Variants in LIMA1 observed in about 807,000 individuals in gnomAD.
LIMA1 encodes the protein LIM domain and actin-binding protein 1.
Under a neutral mutation model 62.6 loss-of-function variants are expected in LIMA1, and 52 were observed. That is an observed-to-expected ratio of 0.83 (90% CI 0.67 to 1.05). The LOEUF (loss-of-function observed/expected upper bound fraction) is 1.05. Ranked by LOEUF, LIMA1 falls within the 50% of genes least tolerant of loss-of-function variation. The pLI is 0.00. For missense variants in LIMA1, 780 were observed against 902.2 expected (o/e 0.86, Z 1.74); for synonymous variants, 302 against 317.8 (o/e 0.95, Z 0.53).
chr12:50,209,778 G>A (rs1156540273), intron 4 of LIMA1, among the ~76,000 whole-genome samples: 3 of 151,890 alleles, frequency 2.0e-5, no homozygotes, highest in African/African-American at 4.8e-5. Flanking sequence ...CAATTCTCCT[G>A]TCTCAGCCTC....
chr12:50,177,234 A>G lies in LIMA1; in HGVS notation c.2110T>C (p.Ser704Pro), dbSNP rs537770025. 8.7e-6 allele frequency: 14 copies of G among 1,614,108 alleles called. No individual in the cohort carries two copies. The African/African-American group carries it at 1.7e-4, about 20-fold the overall frequency. ...LKQQSPQEPK[S>P]LNWSSFVDNT... is the part of the protein sequence containing the mutation. ...TCTACAAAACTCGACCAATTCAGAGACTTGGGTTCTTGTGGAGATTGTTGT... is the reference window on the plus strand; with the variant it reads ...TCTACAAAACTCGACCAATTCAGAGGCTTGGGTTCTTGTGGAGATTGTTGT... Residue 704 changes from serine to proline, a missense_variant, in exon 11 of 11, where the codon TCT (serine) becomes CCT (proline). Transcript: ENST00000341247.
intron 2 of LIMA1, among the ~76,000 whole-genome samples, chr12:50,236,922 C>G (rs539450121): frequency 6.6e-6 from 1 of 152,076 alleles, no homozygotes; most frequent in East Asian, 1.9e-4. Flanking sequence ...CTGTTTAAAA[C>G]AAATAAACAA....
At chr12:50,193,569 TGA>T (rs1491431742) in intron 8 of LIMA1, among the ~76,000 whole-genome samples, 2 of 109,074 alleles carry the variant, frequency 1.8e-5, no homozygotes, top group African/African-American at 3.8e-5. Context: ...TATGTATATA[TGA>T]TATATATATA....
chr12:50,281,349 A>G (rs1460330080), intron 1 of LIMA1, among the ~76,000 whole-genome samples: 1 of 152,158 alleles, frequency 6.6e-6, no homozygotes, highest in East Asian at 1.9e-4. Flanking sequence ...AAAAAGAAAG[A>G]GAAAAACATT....
chr12:50,236,615 A>G (rs1941698249), intron 2 of LIMA1, among the ~76,000 whole-genome samples: 1 of 143,208 alleles, frequency 7.0e-6, no homozygotes, highest in South Asian at 2.5e-4. Flanking sequence ...GATTTTCTTA[A>G]AAAGCTAATA....
At chr12:50,262,311 A>G (rs1015612504) in intron 1 of LIMA1, among the ~76,000 whole-genome samples, 8 of 152,212 alleles carry the variant, frequency 5.3e-5, no homozygotes, top group Non-Finnish European at 2.9e-5. Context: ...GAGTGTACAT[A>G]GAATCACTTA....
chr12:50,239,893 C>T (rs1467873152), intron 2 of LIMA1, among the ~76,000 whole-genome samples: 1 of 151,822 alleles, frequency 6.6e-6, no homozygotes, highest in Non-Finnish European at 1.5e-5. Context: ...ACTCAGGAAG[C>T]TGAGGTGGGA....
In LIMA1 at chr12:50,261,042, A is replaced by ATATATTTTTT. The variant is rs1383547189; in HGVS notation, c.-23-12269_-23-12268insAAAAAATATA. 1.6e-3 allele frequency among the ~76,000 whole-genome samples: 86 copies of ATATATTTTTT among 54,294 alleles called. 2 individuals are homozygous for ATATATTTTTT. The highest frequency in any genetic ancestry group is 2.1e-3 in the Non-Finnish European group (67 of 31,312). The allele number at this position is 54,294 out of a possible 152,430, so 35.6% of individuals were successfully genotyped here. On this transcript the variant is annotated intron_variant, in intron 1 of 10. Coordinates refer to ENST00000341247, the MANE Select transcript of LIMA1 (RefSeq NM_016357.5). ...CTTTTGCTTTTCTGCCATCTAGTAT[A>ATATATTTTTT]TTTTTTTTTTTTTTTTTTTTTTTTT...
At chr12:50,243,318 C>T (rs577329967) in intron 2 of LIMA1, among the ~76,000 whole-genome samples, 2 of 152,266 alleles carry the variant, frequency 1.3e-5, no homozygotes, top group South Asian at 2.1e-4. Flanking sequence ...CAGAGACCTC[C>T]TAAGTTTTCC....
Position 50,203,832 on chromosome 12 carries a change from G to T in LIMA1, c.864+720C>A, listed in dbSNP as rs547565532. Among the ~76,000 whole-genome samples, 4 of 152,288 alleles carry T rather than the reference G, an allele frequency of 2.6e-5. No individual in the cohort carries two copies. The East Asian group carries it at 7.7e-4, about 29-fold the overall frequency. On this transcript the variant is annotated intron_variant, in intron 6 of 10. Coordinates refer to ENST00000341247, the MANE Select transcript of LIMA1 (RefSeq NM_016357.5). The stretch of plus-strand genomic sequence containing the variant: ...CATCGTAAGGATTAAAGATTAAGTA[G>T]AAGATCTACTGTATGACTCCTTCAT...
intron 9 of LIMA1, chr12:50,187,313 AAAG>A (rs1940653603): frequency 6.6e-6 from 1 of 152,184 alleles, no homozygotes; most frequent in African/African-American, 2.4e-5. Flanking sequence ...AGACATAGTG[AAAG>A]AAGATGAAAA....
intron 3 of LIMA1, 129 bp downstream of exon 3, chr12:50,231,536 G>T: frequency 1.2e-6 from 1 of 842,974 alleles, no homozygotes; most frequent in Non-Finnish European, 2.0e-6. Context: ...ATGGCTCAGA[G>T]ATCACACCAG....
intron 1 of LIMA1, among the ~76,000 whole-genome samples, chr12:50,252,425 C>T (rs1248103995): frequency 6.6e-6 from 1 of 151,672 alleles, no homozygotes; most frequent in African/African-American, 2.4e-5. Context: ...ACTAAAAATA[C>T]AAAAAATTAG....
intron 4 of LIMA1, among the ~76,000 whole-genome samples, chr12:50,219,901 G>T (rs1259355369): frequency 6.6e-6 from 1 of 151,954 alleles, no homozygotes; most frequent in Non-Finnish European, 1.5e-5. Flanking sequence ...GCCCAGGCTG[G>T]TCTCAAACTC....
At chr12:50,232,597 G>C (rs1468640587) in intron 2 of LIMA1, among the ~76,000 whole-genome samples, 2 of 152,136 alleles carry the variant, frequency 1.3e-5, no homozygotes, top group Non-Finnish European at 2.9e-5. Context: ...TCAAACTCCT[G>C]AGTTTAAGTG....
intron 2 of LIMA1, among the ~76,000 whole-genome samples, chr12:50,248,071 T>G (rs1156765171): frequency 6.6e-6 from 1 of 152,254 alleles, no homozygotes; most frequent in Non-Finnish European, 1.5e-5. Context: ...CAACAAGTAG[T>G]TACTGAGCAC....
intron 1 of LIMA1, among the ~76,000 whole-genome samples, chr12:50,280,659 A>G (rs928913955): frequency 3.3e-5 from 5 of 152,202 alleles, no homozygotes; most frequent in Non-Finnish European, 7.3e-5. Context: ...CTTCAGTAGC[A>G]CAATAATTTG....
intron 1 of LIMA1, among the ~76,000 whole-genome samples, chr12:50,273,770 C>G (rs900210274): frequency 1.3e-5 from 2 of 152,256 alleles, no homozygotes; most frequent in African/African-American, 4.8e-5. Flanking sequence ...TAATGAAAAT[C>G]ATTTCATTTT....
intron 1 of LIMA1, among the ~76,000 whole-genome samples, chr12:50,277,204 CT>C (rs1942285795): frequency 6.6e-6 from 1 of 152,074 alleles, no homozygotes. Context: ...AAATACCAAT[CT>C]TTTTGACTTC....
Sources: allele counts gnomAD v4.1 joint callset (sites outside exome capture counted in the v4.1 genomes callset), GRCh38; gene constraint gnomAD v4.1.1; transcripts MANE v1.5; gene names NCBI Gene and HGNC (gene_info 2026-07-23, HGNC 2026-07-21).